The following AGR3 variants were observed in gnomAD, a reference collection of about 807,000 sequenced individuals.
AGR3 encodes the protein anterior gradient 3, protein disulphide isomerase family member, also known as anterior gradient protein 3.
Under a neutral mutation model 24.5 loss-of-function variants are expected in AGR3, and 37 were observed. That is an observed-to-expected ratio of 1.51 (90% CI 1.16 to 1.99). The LOEUF is 1.99. AGR3 is among the 30% of genes most tolerant of loss of function. AGR3 has a pLI of 0.00. For missense variants in AGR3, 228 were observed against 191.1 expected (o/e 1.19, Z -1.14); for synonymous variants, 75 against 61.6 (o/e 1.22, Z -1.02).
Position 16,871,344 on chromosome 7 carries a change from G to T in AGR3, c.173+2436C>A, listed in dbSNP as rs535877993. Among the ~76,000 whole-genome samples, 5 of 152,220 alleles carry T rather than the reference G, an allele frequency of 3.3e-5. No homozygotes were observed. The East Asian group carries it at 9.6e-4, about 29-fold the overall frequency. ...CTAATAGCAACTATTAGTCCCTTTG[G>T]CATACAATAGCAGAGCAAATACTTG... On this transcript the variant is annotated intron_variant, in intron 3 of 7. Transcript: ENST00000310398.
Position 16,860,599 on chromosome 7 carries a change from C to A in AGR3, c.368-16G>T, listed in dbSNP as rs111248926. The A allele has an allele frequency of 6.3e-7, 1 of 1,576,482 alleles. No individual in the cohort carries two copies. Among genetic ancestry groups the A allele is most frequent in the Non-Finnish European group, 8.7e-7 (1 of 1,150,410 alleles). ...AAAGAAGGGTCTGTCAAGGAAAAAA[C>A]CAAGTCACGAAAGTATAATTTAGCA... On this transcript the variant is annotated splice_polypyrimidine_tract_variant and intron_variant, in intron 6 of 7. Coordinates refer to ENST00000310398, the MANE Select transcript of AGR3 (RefSeq NM_176813.5).
intron 1 of AGR3, among the ~76,000 whole-genome samples, chr7:16,880,092 CTTCCTTCCTTCCTTCT>C (rs1782078322): frequency 1.4e-5 from 2 of 138,462 alleles, no homozygotes; most frequent in Admixed American, 1.4e-4. Context: ...TTTCCCCTTC[CTTCCTTCCTTCCTTCT>C]TTCCTTCCTT....
At chr7:16,865,215 G>T in intron 3 of AGR3, 1 of 771,768 alleles carries the variant, frequency 1.3e-6, no homozygotes, top group Non-Finnish European at 2.2e-6. Flanking sequence ...TTTTGACAGC[G>T]TAGCATTTGA....
At chr7:16,880,338 T>C (rs1782086136) in intron 1 of AGR3, among the ~76,000 whole-genome samples, 1 of 151,858 alleles carries the variant, frequency 6.6e-6, no homozygotes, top group Non-Finnish European at 1.5e-5. Flanking sequence ...TTTTTGTATT[T>C]TTAGTAGAGA....
intron 6 of AGR3, 101 bp downstream of exon 6, chr7:16,861,283 C>T (rs1209490845): frequency 2.3e-6 from 2 of 863,656 alleles, no homozygotes; most frequent in Non-Finnish European, 3.4e-6. Context: ...AATGACTTCT[C>T]TTTAAAAAGA....
At chr7:16,860,693 G>T in intron 6 of AGR3, 110 bp from the exon 7 acceptor site, 1 of 723,356 alleles carries the variant, frequency 1.4e-6, no homozygotes, top group South Asian at 1.8e-5. Context: ...GTACAAGTTT[G>T]TTACACAGAT....
chr7:16,875,936 C>T lies in AGR3; in HGVS notation c.110-2093G>A, dbSNP rs115892961. 3.3e-3 allele frequency among the ~76,000 whole-genome samples: 506 copies of T among 152,204 alleles called. 4 individuals are homozygous for T. Among genetic ancestry groups the T allele is most frequent in the African/African-American group, 0.011 (473 of 41,538 alleles). ...AGTTATTCTAAAACAGCAAGTGAGACGAGGCCTCTGCTGAATTTTCCCTCT... is the reference window on the plus strand; with the variant it reads ...AGTTATTCTAAAACAGCAAGTGAGATGAGGCCTCTGCTGAATTTTCCCTCT... On this transcript the variant is annotated intron_variant, in intron 2 of 7. Transcript: ENST00000310398.
chr7:16,862,134 C>G (rs1781662942), intron 4 of AGR3, 74 bp from the exon 5 acceptor site: 1 of 1,157,956 alleles, frequency 8.6e-7, no homozygotes, highest in Non-Finnish European at 1.3e-6. Flanking sequence ...CAAAATAAAG[C>G]TAATATTTAG....
intron 3 of AGR3, among the ~76,000 whole-genome samples, chr7:16,863,526 C>G (rs1000826381): frequency 6.6e-6 from 1 of 151,942 alleles, no homozygotes; most frequent in Admixed American, 6.6e-5. Flanking sequence ...TGCTGTATTA[C>G]TTTTTCTTAT....
At chr7:16,880,173 T>TC (rs1782082057) in intron 1 of AGR3, among the ~76,000 whole-genome samples, 1 of 146,150 alleles carries the variant, frequency 6.8e-6, no homozygotes, top group Non-Finnish European at 1.5e-5. Context: ...CTCCTTTCTT[T>TC]CTTTTTTTTT....
intron 4 of AGR3, 48 bp downstream of exon 4, chr7:16,862,562 T>C (rs1323798696): frequency 8.3e-7 from 1 of 1,209,920 alleles, no homozygotes; most frequent in Non-Finnish European, 1.1e-6. Flanking sequence ...TCCTATTTTA[T>C]ATTGGAAATA....
At chr7:16,867,255 C>T (rs1781775897) in intron 3 of AGR3, among the ~76,000 whole-genome samples, 1 of 152,092 alleles carries the variant, frequency 6.6e-6, no homozygotes, top group African/African-American at 2.4e-5. Context: ...CTATCAACTT[C>T]TGACACTAAT....
chr7:16,877,736 G>A (rs1054384034), intron 2 of AGR3, among the ~76,000 whole-genome samples: 5 of 151,966 alleles, frequency 3.3e-5, no homozygotes, highest in East Asian at 1.9e-4. Context: ...GGTGGCGGGC[G>A]CCTGTAGTCC....
intron 3 of AGR3, among the ~76,000 whole-genome samples, chr7:16,869,827 T>C (rs952429700): frequency 6.6e-6 from 1 of 151,870 alleles, no homozygotes; most frequent in African/African-American, 2.4e-5. Context: ...ACAAGTAATA[T>C]ACTGTTTATT....
At position 16,873,212 on chromosome 7, in the gene AGR3, G is replaced by A. The variant is rs191534393; in HGVS notation, c.173+568C>T. On this transcript the variant is annotated intron_variant, in intron 3 of 7. Transcript: ENST00000310398. Reference sequence around the variant, plus strand: ...CAACCTAAATGTCCATCAATGGATGGATGGATAAAGAGAACATGTTATATA... The same window carrying A: ...CAACCTAAATGTCCATCAATGGATGAATGGATAAAGAGAACATGTTATATA... Among the ~76,000 whole-genome samples, 943 of 152,226 alleles carry A rather than the reference G, an allele frequency of 6.2e-3. 10 individuals are homozygous for A. The highest frequency in any genetic ancestry group is 9.4e-3 in the Non-Finnish European group (641 of 67,994).
chr7:16,878,674 C>A, intron 1 of AGR3, 29 bp from the exon 2 acceptor site: 1 of 1,432,086 alleles, frequency 7.0e-7, no homozygotes, highest in Non-Finnish European at 9.8e-7. Flanking sequence ...TTCTCAGAAT[C>A]CAGTGAATTA....
intron 3 of AGR3, among the ~76,000 whole-genome samples, chr7:16,872,036 A>G (rs953133865): frequency 6.6e-6 from 1 of 151,818 alleles, no homozygotes; most frequent in African/African-American, 2.4e-5. Flanking sequence ...ACCAAAGGCA[A>G]TCTACAGATT....
intron 2 of AGR3, among the ~76,000 whole-genome samples, chr7:16,877,882 G>T (rs1189423535): frequency 2.0e-5 from 3 of 148,952 alleles, no homozygotes; most frequent in Non-Finnish European, 4.5e-5. Flanking sequence ...AAAAAAGAGA[G>T]AATTTTTTTT....
intron 2 of AGR3, among the ~76,000 whole-genome samples, chr7:16,875,124 AAAAAAAAG>A (rs1332711748): frequency 1.3e-5 from 2 of 151,696 alleles, no homozygotes; most frequent in East Asian, 3.9e-4. Context: ...CAAAAAAAAA[AAAAAAAAG>A]AAAAAAAGAA....
Sources: allele counts gnomAD v4.1 joint callset (sites outside exome capture counted in the v4.1 genomes callset), GRCh38; gene constraint gnomAD v4.1.1; transcripts MANE v1.5; gene names NCBI Gene and HGNC (gene_info 2026-07-23, HGNC 2026-07-21).